The following MCF2L variants were observed in gnomAD, a reference collection of about 807,000 sequenced individuals.
MCF2L encodes the protein MCF.2 cell line derived transforming sequence like.
A neutral mutation model predicts 153.4 loss-of-function variants in MCF2L; 97 were observed. The observed-to-expected ratio is 0.63, with a 90% CI of 0.54 to 0.75. The LOEUF (loss-of-function observed/expected upper bound fraction) is 0.75, where lower values mean the gene tolerates loss of function less well. MCF2L is among the 30% of genes least tolerant of loss of function. The probability of loss-of-function intolerance (pLI) is 0.00; values close to 1 mark genes in which losing one functional copy is unlikely to be tolerated. For synonymous variants in MCF2L, 659 were observed against 632.2 expected (o/e 1.04, Z -0.64); for missense variants, 1,347 against 1,495.2 (o/e 0.90, Z 1.64).
At chr13:113,011,869 T>C (rs9549635) in intron 1 of MCF2L, among the ~76,000 whole-genome samples, 114 of 58,096 alleles carry the variant, frequency 2.0e-3, no homozygotes, top group African/African-American at 5.7e-3. Context: ...CGGTGGACAC[T>C]GTGATGCGGA....
chr13:113,026,859 G>T (rs776204888), intron 3 of MCF2L: 3 of 723,646 alleles, frequency 4.1e-6, no homozygotes, highest in Admixed American at 3.9e-5. Context: ...CCAGTTCTGT[G>T]TCTCCCCAGC....
At chr13:113,048,655 G>T (rs1339830399) in intron 4 of MCF2L, among the ~76,000 whole-genome samples, 3 of 151,972 alleles carry the variant, frequency 2.0e-5, no homozygotes, top group Admixed American at 6.6e-5. Context: ...CGTTAGCCAG[G>T]ATGGTCTCAA....
chr13:113,086,383 T>C (rs2034641709), intron 21 of MCF2L, 134 bp downstream of exon 21: 4 of 1,303,960 alleles, frequency 3.1e-6, no homozygotes, highest in African/African-American at 1.5e-5. Flanking sequence ...TCTGGGGTGG[T>C]CCCTAGATAA....
intron 13 of MCF2L, among the ~76,000 whole-genome samples, chr13:113,077,535 C>CA (rs2033625817): frequency 6.6e-6 from 1 of 152,352 alleles, no homozygotes; most frequent in South Asian, 2.1e-4. Context: ...ACTGGAAACA[C>CA]AGAGCTCCCA....
At position 113,097,056 on chromosome 13, in the gene MCF2L, A is replaced by C; in HGVS notation, c.*197A>C. ...CCGGCCCGCTGGGGCTTCCCCGGAG[A>C]CTCCAGAGCCCACAGAGGAGGGGCC... On this transcript the variant is annotated 3_prime_UTR_variant, in exon 30 of 30. Transcript: ENST00000535094. The C allele has an allele frequency of 2.6e-6, 1 of 380,510 alleles. No individual in the cohort carries two copies. Among genetic ancestry groups the C allele is most frequent in the Non-Finnish European group, 4.6e-6 (1 of 216,522 alleles). The allele number at this position is 380,510 out of a possible 1,614,324, so 23.6% of individuals were successfully genotyped here. A position where few individuals can be genotyped will look rare whatever the true frequency, so the allele number is the denominator to read the frequency against.
chr13:113,078,539 C>A, intron 14 of MCF2L, 103 bp downstream of exon 14: 1 of 1,377,890 alleles, frequency 7.3e-7, no homozygotes, highest in Non-Finnish European at 1.0e-6. Context: ...TGCCCAGCTA[C>A]CTGGCCAGCT....
At chr13:113,082,575 C>A (rs767447351) in intron 17 of MCF2L, 33 bp downstream of exon 17, 1 of 1,430,768 alleles carries the variant, frequency 7.0e-7, no homozygotes, top group South Asian at 1.2e-5. Context: ...GGCACGCACC[C>A]GTGATCTCTT....
chr13:112,979,809 T>C lies in MCF2L; in HGVS notation c.79+10351T>C, dbSNP rs2082341498. 4 of 1,539,050 alleles carry C rather than the reference T, an allele frequency of 2.6e-6. No homozygotes were observed. In the African/African-American group the frequency reaches 5.5e-5, roughly 21 times the overall value. On this transcript the variant is annotated intron_variant, in intron 1 of 29. Coordinates refer to ENST00000535094, the MANE Select transcript of MCF2L (RefSeq NM_001112732.3). ...ATGGGGGCAGGTGCTGTGTCCCCTC[T>C]GCAGGTGTCCTCTCTGCGGGCAGGT... is the stretch of plus-strand genomic sequence containing the variant.
chr13:113,088,362 T>C lies in MCF2L; in HGVS notation c.2724T>C (p.Asn908=). The change falls in exon 24 of 30, where the codon AAT becomes AAC. Residue 908 remains asparagine, a synonymous_variant. Coordinates refer to ENST00000535094, the MANE Select transcript of MCF2L (RefSeq NM_001112732.3). The stretch of plus-strand genomic sequence containing the variant: ...CTGAGATTAAAGCCGCGTGGGTGAA[T>C]GAAATTCGGAAAGTGCTGACCAGCC... ...PTPEIKAAWV[N]EIRKVLTSQL... is the part of the protein sequence containing the mutation. 1 of 1,613,996 alleles carries C rather than the reference T, an allele frequency of 6.2e-7. No homozygotes were observed.
In MCF2L at chr13:113,075,154, AGCAAGTCCCTGGAGCT is replaced by A; in HGVS notation, c.1277_1292del (p.Lys426ThrfsTer8). Reference sequence around the variant, plus strand: ...GATCGCAAGGAGGAGGGGGCTGCTCAGCAAGTCCCTGGAGCTGCACCGCCGCCTGGAGACGGTAGGC... The same window carrying A: ...GATCGCAAGGAGGAGGGGGCTGCTCAGCACCGCCGCCTGGAGACGGTAGGC... On this transcript the variant is annotated frameshift_variant, in exon 11 of 30. Coordinates refer to ENST00000535094, the MANE Select transcript of MCF2L (RefSeq NM_001112732.3). LOFTEE classifies it high-confidence loss of function. The A allele has an allele frequency of 6.2e-7, 1 of 1,610,334 alleles. No individual in the cohort carries two copies. Among genetic ancestry groups the A allele is most frequent in the Non-Finnish European group, 8.5e-7 (1 of 1,178,044 alleles).
At chr13:113,058,880 T>TTGGGCGCTGAG (rs1272515196) in intron 4 of MCF2L, among the ~76,000 whole-genome samples, 1 of 145,160 alleles carries the variant, frequency 6.9e-6, no homozygotes, top group African/African-American at 2.5e-5. Flanking sequence ...CGCTGTGTAT[T>TTGGGCGCTGAG]TGGGCGCTGA....
chr13:112,986,408 G>A (rs937651867), intron 1 of MCF2L, among the ~76,000 whole-genome samples: 4 of 152,194 alleles, frequency 2.6e-5, no homozygotes, highest in Admixed American at 6.5e-5. Context: ...AGCGTCCCAC[G>A]AACGGTGTGG....
chr13:113,013,395 T>A (rs1169573045), intron 1 of MCF2L, among the ~76,000 whole-genome samples: 2 of 152,060 alleles, frequency 1.3e-5, no homozygotes, highest in African/African-American at 4.8e-5. Flanking sequence ...GCCCTGCTGC[T>A]TCCCCCCCAA....
chr13:113,022,743 C>T (rs2084968838), intron 2 of MCF2L, among the ~76,000 whole-genome samples: 2 of 152,238 alleles, frequency 1.3e-5, no homozygotes, highest in Non-Finnish European at 2.9e-5. Context: ...CGTGCGTGAG[C>T]CACATCCCAG....
At chr13:113,000,690 C>T (rs1373150060) in intron 1 of MCF2L, among the ~76,000 whole-genome samples, 1 of 152,204 alleles carries the variant, frequency 6.6e-6, no homozygotes, top group Admixed American at 6.5e-5. Flanking sequence ...CATTTGGGGT[C>T]AGCCACCCCC....
chr13:113,091,091 T>A, intron 26 of MCF2L: 2 of 1,304,300 alleles, frequency 1.5e-6, no homozygotes, highest in Non-Finnish European at 2.0e-6. Context: ...CTCTCTCCGG[T>A]TGTATTTCTG....
rs1472702410 is a variant in MCF2L, at chr13:113,064,378, G to A, written c.564G>A (p.Gly188=). 6.2e-7 allele frequency: 1 copy of A among 1,612,692 alleles called. No individual in the cohort carries two copies. The highest frequency in any genetic ancestry group is 8.5e-7 in the Non-Finnish European group (1 of 1,179,998). ...DKSQLTEDLG[G]TLDYCHSRWL... is the part of the protein sequence containing the mutation. ...CGCAGCTGACCGAGGACCTGGGTGG[G>A]ACCCTGGACTACTGCCACTCCCGGT... Residue 188 remains glycine, a synonymous_variant, in exon 6 of 30, where the codon GGG becomes GGA. Coordinates refer to ENST00000535094, the MANE Select transcript of MCF2L (RefSeq NM_001112732.3). This position sits in a 1 kb window ranked among gnomAD's most constrained non-coding sequence, Gnocchi z 6.0.
chr13:112,910,902 T>C (rs2081224009), intron 2 of MCF2L, among the ~76,000 whole-genome samples: 1 of 151,840 alleles, frequency 6.6e-6, no homozygotes, highest in Admixed American at 6.6e-5. Context: ...GGAGAATTCG[T>C]CTGAAATTCT....
In MCF2L at chr13:113,084,008, A is replaced by G; in HGVS notation, c.2002A>G (p.Arg668Gly). The change falls in exon 18 of 30, where the codon AGG becomes GGG. Residue 668 changes from arginine to glycine, a missense_variant. Physicochemically the swap from Arg to Gly is moderately radical, Grantham distance 125. Transcript: ENST00000535094. ...IYHFHNRIFLRELENYTDCPE... is the reference protein window; with the variant it reads ...IYHFHNRIFLGELENYTDCPE... ...ACCTTCTTTGTCTAGGATATTCCTC[A>G]GGGAGCTGGAAAACTACACTGACTG... 5 of 1,613,654 alleles carry G rather than the reference A, an allele frequency of 3.1e-6. No individual in the cohort carries two copies. Among genetic ancestry groups the G allele is most frequent in the Non-Finnish European group, 4.2e-6 (5 of 1,179,560 alleles).
Sources: gnomAD v4.1 joint callset for allele counts (sites outside exome capture counted in the v4.1 genomes callset) on GRCh38, gnomAD v4.1.1 for gene constraint, Gnocchi (gnomAD v3.1) non-coding constraint, MANE v1.5 for transcripts, NCBI Gene and HGNC (gene_info 2026-07-23, HGNC 2026-07-21) for gene names.